The following SUCLG2 variants were observed in gnomAD, a reference collection of about 807,000 sequenced individuals.
The protein encoded by SUCLG2 is succinate-CoA ligase GDP-forming subunit beta, also known as succinate--CoA ligase [GDP-forming] subunit beta, mitochondrial.
In SUCLG2, 42 loss-of-function variants were observed where a neutral mutation model predicts 47.9. That is an observed-to-expected ratio of 0.88 (90% CI 0.69 to 1.14). The LOEUF (loss-of-function observed/expected upper bound fraction) is 1.14. SUCLG2 is among the 50% of genes most tolerant of loss of function. The pLI, the probability that SUCLG2 is intolerant of heterozygous loss-of-function variation, is 0.00. For missense variants in SUCLG2, 571 were observed against 525.9 expected (o/e 1.09, Z -0.84); for synonymous variants, 195 against 197.3 (o/e 0.99, Z 0.10).
At chr3:67,601,887 C>T (rs539934415) in intron 2 of SUCLG2, among the ~76,000 whole-genome samples, 25 of 152,196 alleles carry the variant, frequency 1.6e-4, no homozygotes, top group African/African-American at 6.0e-4. Context: ...GAGGCTAAGT[C>T]ATGAGAACCG....
intron 5 of SUCLG2, among the ~76,000 whole-genome samples, chr3:67,518,695 T>A (rs190138010): frequency 2.4e-4 from 37 of 152,346 alleles, no homozygotes; most frequent in Admixed American, 6.5e-4. Context: ...CTACTAGTAG[T>A]TAAGTTTAAA....
intron 2 of SUCLG2, among the ~76,000 whole-genome samples, chr3:67,575,225 T>C (rs1707714953): frequency 6.6e-6 from 1 of 152,224 alleles, no homozygotes; most frequent in South Asian, 2.1e-4. Context: ...AATGAAAACA[T>C]TTGTTCACAA....
intron 9 of SUCLG2, among the ~76,000 whole-genome samples, chr3:67,423,667 A>G (rs1214609236): frequency 6.6e-6 from 1 of 152,148 alleles, no homozygotes; most frequent in Non-Finnish European, 1.5e-5. Context: ...CCCCTGCTCT[A>G]CAAGATTCTG....
At chr3:67,476,715 G>A (rs188974372) in intron 9 of SUCLG2, among the ~76,000 whole-genome samples, 15 of 152,238 alleles carry the variant, frequency 9.9e-5, no homozygotes, top group Admixed American at 2.0e-4. Context: ...TGTAAGATAA[G>A]AACTGGATTT....
intron 9 of SUCLG2, chr3:67,408,490 T>C: frequency 2.2e-6 from 1 of 456,770 alleles, no homozygotes; most frequent in Non-Finnish European, 2.9e-6. Flanking sequence ...CCAACTTCTC[T>C]GAACTGATAG....
At chr3:67,483,963 T>C (rs934965617) in intron 9 of SUCLG2, among the ~76,000 whole-genome samples, 1 of 152,230 alleles carries the variant, frequency 6.6e-6, no homozygotes, top group Non-Finnish European at 1.5e-5. Flanking sequence ...AGGCTTGCCA[T>C]GAATGGAGTT....
intron 2 of SUCLG2, among the ~76,000 whole-genome samples, chr3:67,578,924 G>A (rs927364826): frequency 6.6e-6 from 1 of 152,204 alleles, no homozygotes; most frequent in African/African-American, 2.4e-5. Flanking sequence ...AGGTTGGGGT[G>A]ACCTGGCACC....
intron 2 of SUCLG2, among the ~76,000 whole-genome samples, chr3:67,553,231 CCT>C (rs1300611573): frequency 6.6e-6 from 1 of 152,176 alleles, no homozygotes; most frequent in African/African-American, 2.4e-5. Flanking sequence ...GCATCCAGCC[CCT>C]GTGAAGACAG....
chr3:67,484,038 G>T (rs1351201054), intron 9 of SUCLG2, among the ~76,000 whole-genome samples: 1 of 152,202 alleles, frequency 6.6e-6, no homozygotes, highest in East Asian at 1.9e-4. Context: ...CCTATATGTT[G>T]TTTGGGAATT....
chr3:67,390,013 T>C (rs942218002), intron 10 of SUCLG2, among the ~76,000 whole-genome samples: 8 of 152,222 alleles, frequency 5.3e-5, no homozygotes, highest in African/African-American at 1.9e-4. Context: ...TGGAAAAATG[T>C]TACCAGAGAC....
chr3:67,402,347 T>C (rs1038432212), intron 9 of SUCLG2, among the ~76,000 whole-genome samples: 8 of 152,058 alleles, frequency 5.3e-5, no homozygotes, highest in African/African-American at 1.7e-4. Flanking sequence ...CTGCAGCTCA[T>C]GTTGAATTCA....
At chr3:67,488,264 C>A (rs1040186100) in intron 9 of SUCLG2, among the ~76,000 whole-genome samples, 6 of 152,026 alleles carry the variant, frequency 3.9e-5, no homozygotes, top group Non-Finnish European at 5.9e-5. Flanking sequence ...ATTTAGCAAA[C>A]TACTAAGTCG....
At chr3:67,630,015 C>A (rs1575829653) in intron 1 of SUCLG2, among the ~76,000 whole-genome samples, 1 of 152,022 alleles carries the variant, frequency 6.6e-6, no homozygotes, top group Admixed American at 6.6e-5. Context: ...TTATGTGGTA[C>A]AGCCAGGAAA....
chr3:67,396,380 A>G (rs1702530220), intron 10 of SUCLG2, among the ~76,000 whole-genome samples: 1 of 152,112 alleles, frequency 6.6e-6, no homozygotes, highest in Non-Finnish European at 1.5e-5. Flanking sequence ...ACCATCAGAG[A>G]ATACTACAAA....
chr3:67,579,466 C>G (rs1707827468), intron 2 of SUCLG2, among the ~76,000 whole-genome samples: 1 of 152,176 alleles, frequency 6.6e-6, no homozygotes, highest in Admixed American at 6.5e-5. Flanking sequence ...TATTGCCCAT[C>G]ATTTTTTAAA....
At chr3:67,612,455 T>A (rs972453940) in intron 1 of SUCLG2, among the ~76,000 whole-genome samples, 1 of 152,128 alleles carries the variant, frequency 6.6e-6, no homozygotes, top group Non-Finnish European at 1.5e-5. Flanking sequence ...AAATCTGCTA[T>A]GCAAATGGAT....
At chr3:67,376,073 T>C in intron 10 of SUCLG2, 1 of 985,460 alleles carries the variant, frequency 1.0e-6, no homozygotes, top group Non-Finnish European at 1.2e-6. Flanking sequence ...AGCAAGGGCT[T>C]GCAAGAGGGA....
At chr3:67,369,635 C>G (rs1036791760) in intron 10 of SUCLG2, among the ~76,000 whole-genome samples, 1 of 152,178 alleles carries the variant, frequency 6.6e-6, no homozygotes, top group African/African-American at 2.4e-5. Context: ...TTTGGAAGAG[C>G]TGCACCATGC....
downstream of SUCLG2, among the ~76,000 whole-genome samples, chr3:67,371,313 G>A (rs1309158781): frequency 6.6e-6 from 1 of 152,164 alleles, no homozygotes; most frequent in Non-Finnish European, 1.5e-5. Flanking sequence ...CCTAGGAATT[G>A]CTCCTGGCTT....
Sources: gnomAD v4.1 joint callset for allele counts (sites outside exome capture counted in the v4.1 genomes callset) on GRCh38, gnomAD v4.1.1 for gene constraint, MANE v1.5 for transcripts, NCBI Gene and HGNC (gene_info 2026-07-23, HGNC 2026-07-21) for gene names.